Variants in ACP4 observed in about 807,000 individuals in gnomAD.
ACP4 encodes testicular acid phosphatase.
ACP4 carries 49 observed loss-of-function variants against 47.3 expected under a neutral mutation model. That is an observed-to-expected ratio of 1.04 (90% CI 0.82 to 1.32). The LOEUF is 1.32. Ranked by LOEUF, ACP4 falls within the 40% of genes most tolerant of loss-of-function variation. ACP4 has a pLI of 0.00. For synonymous variants in ACP4, 299 were observed against 265.3 expected (o/e 1.13, Z -1.23); for missense variants, 594 against 579.3 (o/e 1.03, Z -0.26).
chr19:50,791,556 C>A, intron 3 of ACP4, 100 bp from the exon 4 acceptor site: 4 of 1,482,804 alleles, frequency 2.7e-6, no homozygotes, highest in Non-Finnish European at 3.7e-6. Flanking sequence ...AGTGTCTGAC[C>A]CCTACTCCAA....
At chr19:50,793,485 A>G (rs1253940538) in intron 6 of ACP4, 199 bp from the exon 7 acceptor site, 5 of 750,152 alleles carry the variant, frequency 6.7e-6, no homozygotes, top group Non-Finnish European at 1.0e-5. Context: ...ACTGCACTCC[A>G]GCCTAGGTGA....
chr19:50,794,638 GTGA>G (rs971142384), intron 9 of ACP4, 57 bp downstream of exon 9: 1 of 1,612,780 alleles, frequency 6.2e-7, no homozygotes, highest in African/African-American at 1.3e-5. Flanking sequence ...AAAGCAAGGG[GTGA>G]TGTGTCAGGC....
chr19:50,790,699 G>T lies in ACP4; in HGVS notation c.216+1G>T. On this transcript the variant is annotated splice_donor_variant, in intron 2 of 10. Transcript: ENST00000270593. LOFTEE classifies it high-confidence loss of function. ...ACGAGGCCTGGGCCAGCTGACCACGGTGAGAAGCGGGTAGGCGGTGAGGGC... is the reference window on the plus strand; with the variant it reads ...ACGAGGCCTGGGCCAGCTGACCACGTTGAGAAGCGGGTAGGCGGTGAGGGC... The T allele has an allele frequency of 6.5e-7, 1 of 1,536,314 alleles. No homozygotes were observed.
chr19:50,794,914 C>T lies in ACP4; in HGVS notation c.1115C>T (p.Pro372Leu). The T allele has an allele frequency of 1.4e-5, 22 of 1,613,558 alleles. No homozygotes were observed. Among genetic ancestry groups the T allele is most frequent in the Non-Finnish European group, 1.9e-5 (22 of 1,179,920 alleles). Reference protein sequence around the residue: ...FYQLTAPARPPAHGVSCHGPY... With the variant: ...FYQLTAPARPLAHGVSCHGPY... ...CAGCTGACTGCCCCGGCCCGGCCTCCCGCCCATGGGGTCTCCTGCCATGGC... is the reference window on the plus strand; with the variant it reads ...CAGCTGACTGCCCCGGCCCGGCCTCTCGCCCATGGGGTCTCCTGCCATGGC... The change falls in exon 10 of 11, where the codon CCC becomes CTC. Residue 372 changes from proline to leucine, a missense_variant. By Grantham distance (98) the Pro-to-Leu change is moderately conservative. Coordinates refer to ENST00000270593, the MANE Select transcript of ACP4 (RefSeq NM_033068.3).
In ACP4 at chr19:50,792,183, G is replaced by A. The variant is rs531150593; in HGVS notation, c.549+12G>A. ...TGGAGGGCTGGACGGTGAGCAGGGC[G>A]GCGGTGGGGGGCGGGATGCAGGGGA... On this transcript the variant is annotated intron_variant, in intron 5 of 10. Coordinates refer to ENST00000270593, the MANE Select transcript of ACP4 (RefSeq NM_033068.3). 37 of 1,610,300 alleles carry A rather than the reference G, an allele frequency of 2.3e-5. No individual in the cohort carries two copies. The highest frequency in any genetic ancestry group is 1.9e-4 in the Middle Eastern group (1 of 5,302).
intron 6 of ACP4, chr19:50,792,734 T>G (rs1288364865): frequency 6.2e-6 from 1 of 162,104 alleles, no homozygotes; most frequent in East Asian, 1.8e-4. Flanking sequence ...CAGGCTGGAG[T>G]GCAATGGCAT....
intron 3 of ACP4, 116 bp downstream of exon 3, chr19:50,790,976 G>C: frequency 9.9e-7 from 1 of 1,005,354 alleles, no homozygotes; most frequent in Non-Finnish European, 1.4e-6. Flanking sequence ...AACCTGACTT[G>C]CCCTCTACCT....
In ACP4 at chr19:50,794,934, C is replaced by A. The variant is rs756128057; in HGVS notation, c.1135C>A (p.His379Asn). 6 of 1,613,252 alleles carry A rather than the reference C, an allele frequency of 3.7e-6. No homozygotes were observed. Among genetic ancestry groups the A allele is most frequent in the Non-Finnish European group, 5.1e-6 (6 of 1,179,734 alleles). Residue 379 changes from histidine (H) to asparagine (N), a missense_variant, in exon 10 of 11, where the codon CAT (histidine) becomes AAT (asparagine). His to Asn is a moderately conservative substitution (Grantham distance 68, BLOSUM62 1). Transcript: ENST00000270593. ...ARPPAHGVSCHGPYEAAIPPA... is the reference protein window; with the variant it reads ...ARPPAHGVSCNGPYEAAIPPA... ...GCCTCCCGCCCATGGGGTCTCCTGC[C>A]ATGGCCCCTATGAGGCTGCCATCCC...
At chr19:50,790,923 A>G in intron 3 of ACP4, 63 bp downstream of exon 3, 1 of 1,459,538 alleles carries the variant, frequency 6.9e-7, no homozygotes, top group Non-Finnish European at 9.3e-7. Flanking sequence ...CACTGACTAC[A>G]ACGCTCTCTT....
intron 5 of ACP4, 33 bp downstream of exon 5, chr19:50,792,204 G>A: frequency 6.2e-7 from 1 of 1,611,590 alleles, no homozygotes; most frequent in East Asian, 2.2e-5. Context: ...GCGGGATGCA[G>A]GGGATGGGCC....
Position 50,793,770 on chromosome 19 carries a change from C to T in ACP4, c.732C>T (p.Ala244=), listed in dbSNP as rs2089530482. 6 of 1,613,802 alleles carry T rather than the reference C, an allele frequency of 3.7e-6. No individual in the cohort carries two copies. The highest frequency in any genetic ancestry group is 4.2e-6 in the Non-Finnish European group (5 of 1,180,024). The change falls in exon 7 of 11, where the codon GCC becomes GCT. Residue 244 remains alanine (A), a synonymous_variant. Coordinates refer to ENST00000270593, the MANE Select transcript of ACP4 (RefSeq NM_033068.3). ...LAQISALDIG[A]HVGPPRAAEK... is the part of the protein sequence containing the mutation. ...AGATCTCGGCTTTGGATATTGGAGCCCACGTGGGCCCACCCCGGGCAGCAG... is the reference window on the plus strand; with the variant it reads ...AGATCTCGGCTTTGGATATTGGAGCTCACGTGGGCCCACCCCGGGCAGCAG...
intron 4 of ACP4, 51 bp downstream of exon 4, chr19:50,791,853 A>C (rs2089511529): frequency 6.5e-7 from 1 of 1,537,648 alleles, no homozygotes; most frequent in African/African-American, 1.4e-5. Flanking sequence ...GTGGAGAGAG[A>C]GGCAGCTCTG....
At chr19:50,794,119 C>T (rs1001558230) in intron 8 of ACP4, 149 bp downstream of exon 8, 1 of 926,200 alleles carries the variant, frequency 1.1e-6, no homozygotes, top group African/African-American at 1.6e-5. Flanking sequence ...TCAGGCTCTA[C>T]CATTAGTCTG....
chr19:50,792,572 C>A, intron 6 of ACP4: 1 of 507,376 alleles, frequency 2.0e-6, no homozygotes, highest in Non-Finnish European at 3.5e-6. Context: ...CAGTGAGGGC[C>A]TTGCCAGGGT....
Position 50,794,844 on chromosome 19 carries a change from A to G in ACP4, c.1045A>G (p.Ser349Gly). The change falls in exon 10 of 11, where the codon AGC becomes GGC. Residue 349 changes from serine to glycine, a missense_variant. Transcript: ENST00000270593. ...NDSAHLPLPL[S>G]LPGCPAPCPL... is the part of the protein sequence containing the mutation. ...CTCCGCCCACCTGCCCCTGCCTCTC[A>G]GCCTCCCCGGGTGCCCGGCCCCCTG... The G allele has an allele frequency of 1.2e-6, 2 of 1,613,420 alleles. No individual in the cohort carries two copies. Among genetic ancestry groups the G allele is most frequent in the Non-Finnish European group, 1.7e-6 (2 of 1,179,758 alleles).
intron 6 of ACP4, 80 bp downstream of exon 6, chr19:50,792,417 C>A: frequency 7.0e-7 from 1 of 1,427,868 alleles, no homozygotes. Context: ...GCTGTGTTCC[C>A]TCAGGCATGT....
At chr19:50,793,849 T>C (rs2089531375) in intron 7 of ACP4, 33 bp downstream of exon 7, 1 of 1,614,078 alleles carries the variant, frequency 6.2e-7, no homozygotes, top group African/African-American at 1.3e-5. Flanking sequence ...TGGGGTGCCT[T>C]CCTCTGGGAG....
chr19:50,794,641 A>C (rs1262508980), intron 9 of ACP4, 60 bp downstream of exon 9: 25 of 1,612,324 alleles, frequency 1.6e-5, no homozygotes, highest in Non-Finnish European at 6.8e-6. Context: ...GCAAGGGGTG[A>C]TGTGTCAGGC....
chr19:50,791,621 G>A (rs748429687), intron 3 of ACP4, 35 bp from the exon 4 acceptor site: 19 of 1,589,892 alleles, frequency 1.2e-5, no homozygotes, highest in Admixed American at 1.7e-5. Flanking sequence ...CCCCAACCAC[G>A]ACCCCCCGCG....
Sources: allele counts gnomAD v4.1 joint callset, GRCh38; gene constraint gnomAD v4.1.1; transcripts MANE v1.5; gene names NCBI Gene and HGNC (gene_info 2026-07-23, HGNC 2026-07-21).